Variants in C13orf42 observed in about 807,000 individuals in gnomAD.
C13orf42 encodes the protein chromosome 13 open reading frame 42.
chr13:51,124,732 A>G (rs539634160), intron 1 of C13orf42, among the ~76,000 whole-genome samples: 13 of 151,986 alleles, frequency 8.6e-5, no homozygotes, highest in Non-Finnish European at 1.5e-4. Flanking sequence ...TTTCTTGAAA[A>G]TTTTCGCAGC....
Position 51,111,067 on chromosome 13 carries a change from T to C in C13orf42, c.143A>G (p.Lys48Arg), listed in dbSNP as rs1481831295. ...GTACTTCTTTAAGGACTCGCTGAAT[T>C]TCTCCCCGTGGTCCCCGACCACATA... ...SMYVVGDHGE[K>R]FSESLKKYKS... Residue 48 changes from lysine (K) to arginine (R), a missense_variant, in exon 1 of 4, where the codon AAA becomes AGA. By Grantham distance (26) the Lys-to-Arg change is conservative. Coordinates refer to ENST00000563710, the MANE Select transcript of C13orf42 (RefSeq NM_001351589.3). 2 of 398,528 alleles carry C rather than the reference T, an allele frequency of 5.0e-6. No individual in the cohort carries two copies. The highest frequency in any genetic ancestry group is 8.8e-6 in the Non-Finnish European group (2 of 226,104). The allele number at this position is 398,528 out of a possible 1,614,324, so 24.7% of individuals were successfully genotyped here.
chr13:51,111,902 C>T (rs576037331), upstream of C13orf42, among the ~76,000 whole-genome samples: 491 of 152,288 alleles, frequency 3.2e-3, 2 homozygotes, highest in African/African-American at 0.011. Context: ...ACCTCACAGC[C>T]GTTACCGGAT....
At chr13:51,167,315 G>A (rs972764260) in intron 1 of C13orf42, among the ~76,000 whole-genome samples, 1 of 152,148 alleles carries the variant, frequency 6.6e-6, no homozygotes, top group African/African-American at 2.4e-5. Flanking sequence ...GGGAGGGGAA[G>A]AGGAAGGGAG....
At chr13:51,149,175 G>A (rs1399133670) in intron 1 of C13orf42, among the ~76,000 whole-genome samples, 1 of 152,028 alleles carries the variant, frequency 6.6e-6, no homozygotes, top group Non-Finnish European at 1.5e-5. Context: ...CACTAGATGG[G>A]GTTCTTGATC....
intron 1 of C13orf42, among the ~76,000 whole-genome samples, chr13:51,140,384 C>T (rs532070886): frequency 3.9e-5 from 6 of 152,342 alleles, no homozygotes; most frequent in African/African-American, 1.2e-4. Flanking sequence ...GACACGAGCA[C>T]GTCCTCAACC....
At chr13:51,145,666 G>A (rs1312583732) in intron 1 of C13orf42, among the ~76,000 whole-genome samples, 1 of 152,164 alleles carries the variant, frequency 6.6e-6, no homozygotes, top group African/African-American at 2.4e-5. Context: ...TCTGCTCACT[G>A]AGACAGGTGC....
chr13:51,146,644 G>A (rs1007942437), intron 1 of C13orf42, among the ~76,000 whole-genome samples: 1 of 152,178 alleles, frequency 6.6e-6, no homozygotes, highest in African/African-American at 2.4e-5. Context: ...ACTCACAGTG[G>A]GGAGGGGGCT....
intron 2 of C13orf42, 118 bp downstream of exon 2, chr13:51,087,810 G>A: frequency 2.5e-6 from 1 of 396,462 alleles, no homozygotes; most frequent in Non-Finnish European, 4.4e-6. Context: ...AATCAGGGAG[G>A]TGGGATTCCT....
intron 1 of C13orf42, among the ~76,000 whole-genome samples, chr13:51,140,245 C>T (rs973804893): frequency 6.6e-6 from 1 of 152,190 alleles, no homozygotes; most frequent in Non-Finnish European, 1.5e-5. Context: ...CAAGTTGTCC[C>T]GCCTTTCCAG....
At chr13:51,087,868 C>T in intron 2 of C13orf42, 60 bp downstream of exon 2, 1 of 398,450 alleles carries the variant, frequency 2.5e-6, no homozygotes, top group Non-Finnish European at 4.4e-6. Flanking sequence ...CCCATCCTCA[C>T]AGCATCACAG....
At chr13:51,150,370 T>C (rs1417339396) in intron 1 of C13orf42, among the ~76,000 whole-genome samples, 8 of 152,200 alleles carry the variant, frequency 5.3e-5, no homozygotes, top group Non-Finnish European at 1.0e-4. Flanking sequence ...AATACTGGGC[T>C]TTATTCTTAT....
chr13:51,118,069 T>G (rs562636870), intron 1 of C13orf42, among the ~76,000 whole-genome samples: 1 of 152,182 alleles, frequency 6.6e-6, no homozygotes, highest in Non-Finnish European at 1.5e-5. Context: ...CATGGGGAGC[T>G]AAGAAATGTG....
At chr13:51,162,042 A>G in intron 1 of C13orf42, 3 of 364,734 alleles carry the variant, frequency 8.2e-6, no homozygotes, top group Non-Finnish European at 1.6e-5. Context: ...AGGCCAGTAC[A>G]ACATGCTGCA....
At chr13:51,093,976 T>C (rs1953207237) in intron 1 of C13orf42, among the ~76,000 whole-genome samples, 1 of 152,206 alleles carries the variant, frequency 6.6e-6, no homozygotes, top group African/African-American at 2.4e-5. Context: ...GGGGGGGTAT[T>C]ATTTAAAATT....
At chr13:51,129,689 T>C (rs758249470) in intron 1 of C13orf42, among the ~76,000 whole-genome samples, 1 of 152,192 alleles carries the variant, frequency 6.6e-6, no homozygotes, top group South Asian at 2.1e-4. Context: ...TATAAAGTTT[T>C]GGTTAATAGA....
chr13:51,137,793 C>T (rs1392769755), intron 1 of C13orf42, among the ~76,000 whole-genome samples: 1 of 152,218 alleles, frequency 6.6e-6, no homozygotes, highest in African/African-American at 2.4e-5. Flanking sequence ...CATCATCCCA[C>T]AGTGGGTTCA....
intron 1 of C13orf42, among the ~76,000 whole-genome samples, chr13:51,104,576 A>G (rs1435664251): frequency 2.0e-5 from 3 of 152,206 alleles, no homozygotes; most frequent in Non-Finnish European, 4.4e-5. Context: ...CATTTCAGGA[A>G]CCATGAAGTG....
At position 51,084,222 on chromosome 13, in the gene C13orf42, A is replaced by C; in HGVS notation, c.907T>G (p.Tyr303Asp). 2.5e-6 allele frequency: 1 copy of C among 398,706 alleles called. No homozygotes were observed. Among genetic ancestry groups the C allele is most frequent in the Non-Finnish European group, 4.4e-6 (1 of 226,106 alleles). 24.7% of individuals were successfully genotyped at this position (398,706 alleles called of 1,614,324 possible). A position where few individuals can be genotyped will look rare whatever the true frequency, so the allele number is the denominator to read the frequency against. The change falls in exon 4 of 4, where the codon TAC becomes GAC. Residue 303 changes from tyrosine (Y) to aspartate (D), a missense_variant. Tyr to Asp is a radical substitution (Grantham distance 160). Coordinates refer to ENST00000563710, the MANE Select transcript of C13orf42 (RefSeq NM_001351589.3). ...LEPQLSPGED[Y>D]YETENPKGQW... The stretch of plus-strand genomic sequence containing the variant: ...CCTTTGGGGTTCTCTGTCTCATAGT[A>C]GTCCTCCCCAGGAGACAACTGGGGC...
intron 1 of C13orf42, among the ~76,000 whole-genome samples, chr13:51,137,513 C>T (rs1038449164): frequency 3.9e-5 from 6 of 152,140 alleles, no homozygotes; most frequent in Middle Eastern, 3.2e-3. Flanking sequence ...TCTGTCCCCA[C>T]GCTGGCTCCA....
Sources: allele counts gnomAD v4.1 joint callset (sites outside exome capture counted in the v4.1 genomes callset), GRCh38; gene constraint gnomAD v4.1.1; transcripts MANE v1.5; gene names NCBI Gene and HGNC (gene_info 2026-07-23, HGNC 2026-07-21).